HAT1: variants seen among roughly 807,000 people sequenced by gnomAD.
HAT1 encodes the protein histone acetyltransferase type B catalytic subunit.
HAT1 carries 20 observed loss-of-function variants against 56.6 expected under a neutral mutation model. The observed-to-expected ratio is 0.35, with a 90% CI of 0.25 to 0.51. The LOEUF is 0.51. Ranked by LOEUF, HAT1 falls within the 20% of genes least tolerant of loss-of-function variation. The pLI, the probability that HAT1 is intolerant of heterozygous loss-of-function variation, is 0.95. For missense variants in HAT1, 408 were observed against 504.3 expected (o/e 0.81, Z 1.83); for synonymous variants, 146 against 165.5 (o/e 0.88, Z 0.91).
In HAT1 at chr2:171,976,168, T is replaced by C; in HGVS notation, c.835T>C (p.Ser279Pro). 1 of 1,578,558 alleles carries C rather than the reference T, an allele frequency of 6.3e-7. No individual in the cohort carries two copies. Among genetic ancestry groups the C allele is most frequent in the Non-Finnish European group, 8.6e-7 (1 of 1,160,542 alleles). ...CTTTATTTATTTAGCGGAAGATCCA[T>C]CCAAAAGCTATGTGAAATTACGAGA... Reference protein sequence around the residue: ...TVLDITAEDPSKSYVKLRDFV... With the variant: ...TVLDITAEDPPKSYVKLRDFV... Residue 279 changes from serine to proline, a missense_variant, in exon 9 of 11, where the codon TCC becomes CCC. By Grantham distance (74) the Ser-to-Pro change is moderately conservative (BLOSUM62 -1). Transcript: ENST00000264108.
intron 2 of HAT1, among the ~76,000 whole-genome samples, chr2:171,943,421 A>AAAAG (rs1687077952): frequency 6.8e-6 from 1 of 148,088 alleles, no homozygotes; most frequent in African/African-American, 2.5e-5. Flanking sequence ...AAAAAAAAAA[A>AAAAG]AAAAAAAAAA....
chr2:171,922,545 G>T (rs1686463450), intron 1 of HAT1, 38 bp downstream of exon 1: 1 of 1,311,612 alleles, frequency 7.6e-7, no homozygotes, highest in African/African-American at 1.5e-5. Context: ...GGGAGGAGGC[G>T]GCCAGATCGG....
Position 171,966,901 on chromosome 2 carries a change from A to G in HAT1, c.775A>G (p.Thr259Ala). The G allele has an allele frequency of 6.3e-7, 1 of 1,593,454 alleles. No homozygotes were observed. Among genetic ancestry groups the G allele is most frequent in the Non-Finnish European group, 8.6e-7 (1 of 1,161,662 alleles). Residue 259 changes from threonine to alanine, a missense_variant, in exon 8 of 11, where the codon ACA (threonine) becomes GCA (alanine). Transcript: ENST00000264108. ...AGGCCATGGTGCTCAACTTCTTGAA[A>G]CAGTTCATAGATACTACACTGAATT... ...GQGHGAQLLE[T>A]VHRYYTEFPT...
At chr2:171,978,948 C>G (rs1452471068) in intron 9 of HAT1, among the ~76,000 whole-genome samples, 1 of 150,718 alleles carries the variant, frequency 6.6e-6, no homozygotes, top group African/African-American at 2.4e-5. Context: ...AAAAAATAGC[C>G]GAGTGTGGTG....
At chr2:171,967,522 A>G (rs1649462163) in intron 8 of HAT1, among the ~76,000 whole-genome samples, 1 of 152,100 alleles carries the variant, frequency 6.6e-6, no homozygotes, top group Non-Finnish European at 1.5e-5. Context: ...AGGAGAAGGA[A>G]AGACGACTTA....
intron 4 of HAT1, among the ~76,000 whole-genome samples, chr2:171,961,142 A>C (rs1037930192): frequency 6.6e-6 from 1 of 152,032 alleles, no homozygotes; most frequent in Non-Finnish European, 1.5e-5. Context: ...ACTCTGTCTC[A>C]AAAAACGAAA....
At chr2:171,922,701 A>T (rs934161319) in intron 1 of HAT1, 194 bp downstream of exon 1, 1 of 417,872 alleles carries the variant, frequency 2.4e-6, no homozygotes. Flanking sequence ...CCCCGCCCCC[A>T]ACTGCTTGGG....
In HAT1 at chr2:171,976,143, CTTTA is replaced by C; in HGVS notation, c.824-5_824-2del. 7.1e-7 allele frequency: 1 copy of C among 1,409,464 alleles called. No homozygotes were observed. The highest frequency in any genetic ancestry group is 9.4e-7 in the Non-Finnish European group (1 of 1,068,030). 87.3% of individuals were successfully genotyped at this position (1,409,464 alleles called of 1,614,324 possible). On this transcript the variant is annotated splice_polypyrimidine_tract_variant and intron_variant, in intron 8 of 10. Transcript: ENST00000264108. ...TCAGGGAAATGTTAATATTATTCTG[CTTTA>C]TTTATTTAGCGGAAGATCCATCCAA...
intron 8 of HAT1, among the ~76,000 whole-genome samples, chr2:171,972,993 G>T (rs1004680505): frequency 3.3e-5 from 5 of 152,148 alleles, no homozygotes; most frequent in African/African-American, 1.2e-4. Context: ...TCCAATTGGG[G>T]TTCTTCATGT....
intron 3 of HAT1, 71 bp from the exon 4 acceptor site, chr2:171,952,810 T>C (rs917644613): frequency 6.5e-6 from 6 of 926,470 alleles, no homozygotes; most frequent in Non-Finnish European, 9.4e-6. Context: ...TTAAACTTGT[T>C]TATATGTAGG....
At position 171,979,278 on chromosome 2, in the gene HAT1, G is replaced by A. The variant is rs768555086; in HGVS notation, c.1007G>A (p.Arg336Gln). The A allele has an allele frequency of 4.4e-6, 7 of 1,586,882 alleles. No individual in the cohort carries two copies. The highest frequency in any genetic ancestry group is 2.6e-6 in the Non-Finnish European group (3 of 1,166,392). Residue 336 changes from arginine to glutamine, a missense_variant, in exon 10 of 11, where the codon CGA becomes CAA. Physicochemically the swap from Arg to Gln is conservative, Grantham distance 43. Transcript: ENST00000264108. ...GCTAGAAGGGTTTATGAAATTCTTC[G>A]ACTACTGGTAACTGACATGAGTGAT... Reference protein sequence around the residue: ...QHARRVYEILRLLVTDMSDAE... With the variant: ...QHARRVYEILQLLVTDMSDAE...
At chr2:171,926,393 T>C (rs1411902440) in intron 2 of HAT1, among the ~76,000 whole-genome samples, 1 of 152,164 alleles carries the variant, frequency 6.6e-6, no homozygotes, top group Non-Finnish European at 1.5e-5. Context: ...TCCTGGGTTC[T>C]AGTGATTCTC....
In HAT1 at chr2:171,945,607, C is replaced by T. The variant is rs181941540; in HGVS notation, c.113-1101C>T. ...CTCCTGGATTTAAGCGATTCTCCTG[C>T]CTCAGCCCTCTAAGTAGCTGGGACT... On this transcript the variant is annotated intron_variant, in intron 2 of 10. Coordinates refer to ENST00000264108, the MANE Select transcript of HAT1 (RefSeq NM_003642.4). 8.6e-5 allele frequency among the ~76,000 whole-genome samples: 13 copies of T among 151,800 alleles called. No individual in the cohort carries two copies. The East Asian group carries it at 2.5e-3, about 29-fold the overall frequency.
intron 8 of HAT1, among the ~76,000 whole-genome samples, chr2:171,968,944 T>C (rs1031359492): frequency 3.3e-5 from 5 of 152,220 alleles, no homozygotes; most frequent in African/African-American, 9.6e-5. Flanking sequence ...CTAATAATAA[T>C]TGAAACTTCC....
At chr2:171,926,186 T>TA (rs1318589763) in intron 2 of HAT1, among the ~76,000 whole-genome samples, 1 of 152,128 alleles carries the variant, frequency 6.6e-6, no homozygotes, top group African/African-American at 2.4e-5. Flanking sequence ...GGCATGGTCA[T>TA]AGCTCACTGC....
chr2:171,948,810 G>A (rs1687233881), intron 3 of HAT1, among the ~76,000 whole-genome samples: 1 of 152,120 alleles, frequency 6.6e-6, no homozygotes, highest in African/African-American at 2.4e-5. Flanking sequence ...TATTTTTGCT[G>A]TGCCATTACA....
intron 4 of HAT1, among the ~76,000 whole-genome samples, chr2:171,962,438 A>C (rs979225143): frequency 1.3e-5 from 2 of 152,232 alleles, no homozygotes; most frequent in Non-Finnish European, 2.9e-5. Flanking sequence ...CCTGTCACCC[A>C]GGCTGGAGTG....
At chr2:171,962,179 T>C (rs1687591607) in intron 4 of HAT1, among the ~76,000 whole-genome samples, 2 of 152,174 alleles carry the variant, frequency 1.3e-5, no homozygotes, top group East Asian at 1.9e-4. Flanking sequence ...CAAAAATTGC[T>C]CCATATGAAC....
At chr2:171,951,905 A>C (rs1404149813) in intron 3 of HAT1, among the ~76,000 whole-genome samples, 4 of 151,816 alleles carry the variant, frequency 2.6e-5, no homozygotes, top group Admixed American at 6.6e-5. Flanking sequence ...TATCATTGCC[A>C]CTCCTTTCTT....
Sources: gnomAD v4.1 joint callset for allele counts (sites outside exome capture counted in the v4.1 genomes callset) on GRCh38, gnomAD v4.1.1 for gene constraint, MANE v1.5 for transcripts, NCBI Gene and HGNC (gene_info 2026-07-23, HGNC 2026-07-21) for gene names.